The following ADGRB3 variants were observed in gnomAD, a reference collection of about 807,000 sequenced individuals.
ADGRB3 encodes adhesion G protein-coupled receptor B3, also known as brain-specific angiogenesis inhibitor 3.
ADGRB3 carries 37 observed loss-of-function variants against 193.4 expected under a neutral mutation model. That is an observed-to-expected ratio of 0.19 (90% CI 0.15 to 0.25). The LOEUF (loss-of-function observed/expected upper bound fraction) is 0.25, where lower values mean the gene tolerates loss of function less well. ADGRB3 is among the 10% of genes least tolerant of loss of function. The pLI is 1.00. For missense variants in ADGRB3, 1,637 were observed against 1,852.9 expected, an observed-to-expected ratio of 0.88 and a Z score of 2.14; for synonymous variants, 690 against 644.2, an observed-to-expected ratio of 1.07 and a Z score of -1.08.
chr6:68,884,803 T>C (rs1765859426), intron 3 of ADGRB3, among the ~76,000 whole-genome samples: 1 of 152,166 alleles, frequency 6.6e-6, no homozygotes, highest in African/African-American at 2.4e-5. Context: ...TTTGGCCTTT[T>C]TGGAAAGGTC....
chr6:69,181,925 T>C (rs184947610), intron 17 of ADGRB3, among the ~76,000 whole-genome samples: 4 of 152,298 alleles, frequency 2.6e-5, no homozygotes, highest in African/African-American at 9.6e-5. Context: ...TTGTTTCCAA[T>C]AACACCTAAA....
At chr6:69,366,921 T>G (rs1582660465) in intron 29 of ADGRB3, among the ~76,000 whole-genome samples, 1 of 152,198 alleles carries the variant, frequency 6.6e-6, no homozygotes, top group African/African-American at 2.4e-5. Context: ...AAGATAGAAA[T>G]GGATCTTGCC....
intron 17 of ADGRB3, among the ~76,000 whole-genome samples, chr6:69,129,028 T>C (rs1470319214): frequency 1.3e-5 from 2 of 152,186 alleles, no homozygotes; most frequent in Non-Finnish European, 2.9e-5. Flanking sequence ...TTAGGGTAAG[T>C]GATTTACTTT....
chr6:69,231,173 A>G (rs1488796226), intron 17 of ADGRB3, among the ~76,000 whole-genome samples: 1 of 152,244 alleles, frequency 6.6e-6, no homozygotes, highest in African/African-American at 2.4e-5. Context: ...TATAAAATTT[A>G]CATGATCTTC....
At position 69,032,967 on chromosome 6, in the gene ADGRB3, A is replaced by G. The variant is rs151129225; in HGVS notation, c.2107+14468A>G. ...GGCTGTGCTACTGATTTGATATGTGACTTTGGTTACTGAGTAGCCACTCAG... is the reference window on the plus strand; with the variant it reads ...GGCTGTGCTACTGATTTGATATGTGGCTTTGGTTACTGAGTAGCCACTCAG... On this transcript the variant is annotated intron_variant, in intron 13 of 31. Transcript: ENST00000370598. Among the ~76,000 whole-genome samples, 654 of 152,282 alleles carry G rather than the reference A, an allele frequency of 4.3e-3. 7 individuals carry two copies. The highest frequency in any genetic ancestry group is 0.015 in the African/African-American group (636 of 41,552).
intron 24 of ADGRB3, among the ~76,000 whole-genome samples, chr6:69,336,081 T>G (rs576975236): frequency 3.5e-4 from 53 of 152,032 alleles, no homozygotes; most frequent in Non-Finnish European, 6.9e-4. Flanking sequence ...AGTTCAGGAG[T>G]AGAAGTACAG....
intron 11 of ADGRB3, among the ~76,000 whole-genome samples, chr6:68,998,338 A>G (rs1051563305): frequency 1.3e-5 from 2 of 152,136 alleles, no homozygotes; most frequent in Non-Finnish European, 2.9e-5. Flanking sequence ...TAACCCCTAC[A>G]TTTTTCTTAA....
At chr6:69,122,472 G>C (rs1582477821) in intron 17 of ADGRB3, among the ~76,000 whole-genome samples, 1 of 56,854 alleles carries the variant, frequency 1.8e-5, no homozygotes, top group Non-Finnish European at 3.5e-5. Flanking sequence ...GAGGGAGAGG[G>C]GGAGGGGGAG....
intron 17 of ADGRB3, among the ~76,000 whole-genome samples, chr6:69,213,702 T>C (rs1004247122): frequency 7.2e-5 from 11 of 152,200 alleles, no homozygotes; most frequent in African/African-American, 2.7e-4. Context: ...TTTAATATTA[T>C]TTTTATCTTT....
chr6:68,961,096 A>G (rs1035844610), intron 8 of ADGRB3, among the ~76,000 whole-genome samples: 4 of 152,188 alleles, frequency 2.6e-5, no homozygotes, highest in African/African-American at 4.8e-5. Flanking sequence ...TAATGAAAAC[A>G]CAATTCATTT....
intron 3 of ADGRB3, among the ~76,000 whole-genome samples, chr6:68,914,301 G>A (rs1462807251): frequency 6.6e-6 from 1 of 151,610 alleles, no homozygotes; most frequent in Non-Finnish European, 1.5e-5. Flanking sequence ...GAGAAAGGTC[G>A]GGTTACCCAC....
At chr6:69,100,874 AAGGAAGG>A (rs1773021879) in intron 17 of ADGRB3, among the ~76,000 whole-genome samples, 1 of 8,562 alleles carries the variant, frequency 1.2e-4, no homozygotes, top group Non-Finnish European at 2.5e-4. Flanking sequence ...AGGAAGGAAG[AAGGAAGG>A]GAGGGAAGGA....
At chr6:68,888,540 G>C (rs1349514662) in intron 3 of ADGRB3, among the ~76,000 whole-genome samples, 3 of 75,456 alleles carry the variant, frequency 4.0e-5, no homozygotes, top group South Asian at 3.7e-4. Context: ...TTGGGTAATA[G>C]ATACACACAC....
chr6:68,773,671 G>C (rs920318476), intron 3 of ADGRB3, among the ~76,000 whole-genome samples: 2 of 152,144 alleles, frequency 1.3e-5, no homozygotes, highest in African/African-American at 4.8e-5. Flanking sequence ...ATAAGTTGTT[G>C]TGGAAAGTAC....
At chr6:68,706,024 A>T (rs1765320699) in intron 3 of ADGRB3, among the ~76,000 whole-genome samples, 1 of 152,168 alleles carries the variant, frequency 6.6e-6, no homozygotes, top group African/African-American at 2.4e-5. Flanking sequence ...CAAATACTGA[A>T]GTGGGGGGCA....
At chr6:69,348,683 G>A (rs1352295953) in intron 26 of ADGRB3, among the ~76,000 whole-genome samples, 1 of 151,652 alleles carries the variant, frequency 6.6e-6, no homozygotes, top group Non-Finnish European at 1.5e-5. Flanking sequence ...AAGAAGAGTA[G>A]GTGGACACAG....
chr6:68,830,017 G>T (rs564397525), intron 3 of ADGRB3, among the ~76,000 whole-genome samples: 45 of 152,202 alleles, frequency 3.0e-4, no homozygotes, highest in African/African-American at 9.9e-4. Flanking sequence ...TTGTTTAAGG[G>T]AGGCAATAAA....
At chr6:69,011,498 G>C (rs563707115) in intron 11 of ADGRB3, among the ~76,000 whole-genome samples, 7 of 151,756 alleles carry the variant, frequency 4.6e-5, no homozygotes, top group African/African-American at 1.7e-4. Context: ...GGGAAGGAGA[G>C]GGGAAGGAGC....
At chr6:68,854,919 A>G (rs545050621) in intron 3 of ADGRB3, among the ~76,000 whole-genome samples, 18 of 152,212 alleles carry the variant, frequency 1.2e-4, no homozygotes, top group Non-Finnish European at 2.1e-4. Context: ...TGGAGATCCT[A>G]TGGAGTATTA....
Sources: gnomAD v4.1 joint callset for allele counts (sites outside exome capture counted in the v4.1 genomes callset) on GRCh38, gnomAD v4.1.1 for gene constraint, MANE v1.5 for transcripts, NCBI Gene and HGNC (gene_info 2026-07-23, HGNC 2026-07-21) for gene names.